The following ZNF618 variants were observed in gnomAD, a reference collection of about 807,000 sequenced individuals.
ZNF618 encodes zinc finger protein 618, also known as neural precursor cell expressed, developmentally down-regulated 10.
ZNF618 carries 34 observed loss-of-function variants against 103.0 expected under a neutral mutation model. The ratio of observed to expected loss-of-function variants is 0.33; its 90% CI spans 0.25 to 0.44. The LOEUF (loss-of-function observed/expected upper bound fraction) is 0.44, where lower values mean the gene tolerates loss of function less well. Among genes scored for constraint, ZNF618 ranks in the 20% least tolerant of loss-of-function variants. The pLI, the probability that ZNF618 is intolerant of heterozygous loss-of-function variation, is 1.00. For synonymous variants in ZNF618, 551 were observed against 542.2 expected (o/e 1.02, Z -0.23); for missense variants, 1,059 against 1,295.4 (o/e 0.82, Z 2.80).
Position 113,986,291 on chromosome 9 carries a change from G to A in ZNF618, c.78-2030G>A, listed in dbSNP as rs186187819. ...CCCACAGCGAGGAAGTGGTTGGCGC[G>A]ATAGCCCTTGCTCCTGACTGGTTTT... On this transcript the variant is annotated intron_variant, in intron 2 of 14. Coordinates refer to ENST00000374126, the MANE Select transcript of ZNF618 (RefSeq NM_001318042.2). 9.2e-4 allele frequency among the ~76,000 whole-genome samples: 140 copies of A among 152,356 alleles called. 1 individual carries two copies. In the Middle Eastern group the frequency reaches 0.01, roughly 11 times the overall value.
At chr9:113,877,277 GAA>G (rs1378396207) in intron 1 of ZNF618, among the ~76,000 whole-genome samples, 1 of 151,882 alleles carries the variant, frequency 6.6e-6, no homozygotes, top group Non-Finnish European at 1.5e-5. Context: ...TTTAGTTTGA[GAA>G]AAAAACTAAT....
intron 1 of ZNF618, among the ~76,000 whole-genome samples, chr9:113,910,519 C>T (rs901504683): frequency 6.6e-6 from 1 of 152,154 alleles, no homozygotes; most frequent in Non-Finnish European, 1.5e-5. Context: ...TTCAGGTGTG[C>T]GCGGCTGCTG....
At chr9:114,046,327 AC>A (rs1845648588) in intron 13 of ZNF618, among the ~76,000 whole-genome samples, 2 of 152,108 alleles carry the variant, frequency 1.3e-5, no homozygotes, top group Admixed American at 6.5e-5. Flanking sequence ...TCTTTACTAT[AC>A]CTTTTTTATG....
chr9:113,984,721 T>A (rs543629493), intron 2 of ZNF618, among the ~76,000 whole-genome samples: 3 of 152,292 alleles, frequency 2.0e-5, no homozygotes, highest in Admixed American at 6.5e-5. Flanking sequence ...TCTCCTTCCA[T>A]CTCTTTGCCT....
rs370987854 is a variant in ZNF618, at chr9:113,901,270, TCTC to T, written c.33+24860_33+24862del. On this transcript the variant is annotated intron_variant, in intron 1 of 14. Transcript: ENST00000374126. ...GCAGAATCTCTCCTTTTCCTCAAGT[TCTC>T]CTGCGTCGTTGGGCCTCAGCGTCTC... Among the ~76,000 whole-genome samples the T allele has an allele frequency of 4.6e-5, 7 of 152,314 alleles. No individual in the cohort carries two copies. The East Asian group carries it at 1.4e-3, about 29-fold the overall frequency.
At chr9:113,958,625 G>A (rs566385709) in intron 1 of ZNF618, among the ~76,000 whole-genome samples, 1 of 152,338 alleles carries the variant, frequency 6.6e-6, no homozygotes, top group Non-Finnish European at 1.5e-5. Flanking sequence ...AGATCATGAT[G>A]CATCCAGCGT....
At position 113,876,417 on chromosome 9, in the gene ZNF618, C is replaced by CGACGGGGG; in HGVS notation, c.33+6_33+13dup. On this transcript the variant is annotated splice_donor_region_variant and intron_variant, in intron 1 of 14. Coordinates refer to ENST00000374126, the MANE Select transcript of ZNF618 (RefSeq NM_001318042.2). Reference sequence around the variant, plus strand: ...GGGCGGCGCGGCGGCTCCGCAGGTACGACGGGGGGCCGGGGGCATGCACCG... The same window carrying CGACGGGGG: ...GGGCGGCGCGGCGGCTCCGCAGGTACGACGGGGGGACGGGGGGCCGGGGGCATGCACCG... 8.3e-7 allele frequency: 1 copy of CGACGGGGG among 1,202,114 alleles called. No individual in the cohort carries two copies. Among genetic ancestry groups the CGACGGGGG allele is most frequent in the Non-Finnish European group, 1.0e-6 (1 of 969,030 alleles). The allele number at this position is 1,202,114 out of a possible 1,614,324, so 74.5% of individuals were successfully genotyped here.
intron 3 of ZNF618, among the ~76,000 whole-genome samples, chr9:113,988,864 C>T (rs1377846578): frequency 6.6e-6 from 1 of 152,170 alleles, no homozygotes; most frequent in Non-Finnish European, 1.5e-5. Flanking sequence ...CCCAGTGAAT[C>T]CCTTTGTCTG....
At position 114,049,511 on chromosome 9, in the gene ZNF618, G is replaced by A; in HGVS notation, c.2209G>A (p.Ala737Thr). 2 of 1,613,556 alleles carry A rather than the reference G, an allele frequency of 1.2e-6. No homozygotes were observed. Among genetic ancestry groups the A allele is most frequent in the Non-Finnish European group, 1.7e-6 (2 of 1,179,718 alleles). The change falls in exon 15 of 15, where the codon GCC becomes ACC. Residue 737 changes from alanine to threonine, a missense_variant. Ala to Thr is a moderately conservative substitution (Grantham distance 58, BLOSUM62 0). Around this residue, in one of 6 missense-constraint regions of ZNF618, gnomAD observed 272 missense variants for 380.1 expected, o/e 0.72. Transcript: ENST00000374126. ...LNKHLLSNLA[A>T]ILTPVKQAVI... ...CAAGCACCTGCTCAGCAACCTGGCG[G>A]CCATCCTGACGCCGGTGAAGCAGGC...
At chr9:114,007,513 C>A in intron 7 of ZNF618, 74 bp downstream of exon 7, 1 of 1,407,128 alleles carries the variant, frequency 7.1e-7, no homozygotes, top group East Asian at 2.4e-5. Flanking sequence ...CCCCAGCCCT[C>A]CCCGCCTCCC....
At chr9:113,940,793 G>GTAA (rs1432669981) in intron 1 of ZNF618, among the ~76,000 whole-genome samples, 1 of 152,106 alleles carries the variant, frequency 6.6e-6, no homozygotes, top group Non-Finnish European at 1.5e-5. Context: ...TGGCATCTCT[G>GTAA]TAATCCCCTT....
chr9:114,004,531 C>T (rs1209949659), intron 6 of ZNF618, among the ~76,000 whole-genome samples: 1 of 152,256 alleles, frequency 6.6e-6, no homozygotes, highest in Non-Finnish European at 1.5e-5. Flanking sequence ...CGTCTGGCTT[C>T]CGTTGTCCGC....
chr9:113,932,307 G>A (rs1175405683), intron 1 of ZNF618, among the ~76,000 whole-genome samples: 1 of 152,184 alleles, frequency 6.6e-6, no homozygotes. Context: ...GCAGTAGAAA[G>A]GCCACAGTGG....
In ZNF618 at chr9:114,050,956, T is replaced by C. The variant is rs889987325; in HGVS notation, c.*789T>C. The C allele has an allele frequency of 2.6e-5, 4 of 152,642 alleles. No individual in the cohort carries two copies. The highest frequency in any genetic ancestry group is 5.9e-5 in the Non-Finnish European group (4 of 68,042). The allele number at this position is 152,642 out of a possible 1,614,324, so 9.5% of individuals were successfully genotyped here. On this transcript the variant is annotated 3_prime_UTR_variant, in exon 15 of 15. Coordinates refer to ENST00000374126, the MANE Select transcript of ZNF618 (RefSeq NM_001318042.2). ...ATCTCCCCAAATCAGGAAAGGAGAC[T>C]TAAAGAGTATAAAGCTGACATTTTG...
intron 1 of ZNF618, among the ~76,000 whole-genome samples, chr9:113,959,476 C>T (rs814688): frequency 0.06 from 9,169 of 152,262 alleles, 372 homozygotes; most frequent in African/African-American, 0.12. Context: ...GACTGAGGGC[C>T]CCAGCCGTGG....
At chr9:114,045,284 C>T (rs1263464605) in intron 13 of ZNF618, among the ~76,000 whole-genome samples, 1 of 152,094 alleles carries the variant, frequency 6.6e-6, no homozygotes, top group African/African-American at 2.4e-5. Flanking sequence ...CTGCCTAACC[C>T]AAGTTCACAA....
chr9:114,037,276 C>T (rs778903290), intron 13 of ZNF618, among the ~76,000 whole-genome samples: 6 of 152,134 alleles, frequency 3.9e-5, no homozygotes, highest in African/African-American at 1.4e-4. Flanking sequence ...CTATTGGCTC[C>T]GTCCTCCTCT....
chr9:114,005,548 C>T (rs1841665663), intron 6 of ZNF618, among the ~76,000 whole-genome samples: 1 of 152,134 alleles, frequency 6.6e-6, no homozygotes. Context: ...TGGGTAGAGA[C>T]AAGCAAGTGG....
rs1221460148 is a variant in ZNF618, at chr9:114,052,278, T to G, written c.*2111T>G. 6.6e-6 allele frequency: 1 copy of G among 152,606 alleles called. No individual in the cohort carries two copies. Among genetic ancestry groups the G allele is most frequent in the African/African-American group, 2.4e-5 (1 of 41,424 alleles). The allele number at this position is 152,606 out of a possible 1,614,324, so 9.5% of individuals were successfully genotyped here. ...CCCTTGAAACTTGGACACACTGAAA[T>G]GGATCAAAGTGGGCCATTTCCACAT... On this transcript the variant is annotated 3_prime_UTR_variant, in exon 15 of 15. Transcript: ENST00000374126.
Sources: allele counts gnomAD v4.1 joint callset (sites outside exome capture counted in the v4.1 genomes callset), GRCh38; gene constraint gnomAD v4.1.1; regional missense constraint gnomAD v4.1.1; transcripts MANE v1.5; gene names NCBI Gene and HGNC (gene_info 2026-07-23, HGNC 2026-07-21).